LRRC1: variants seen among roughly 807,000 people sequenced by gnomAD.
LRRC1 encodes leucine rich repeat containing 1, also known as leucine-rich repeat-containing protein 1.
A neutral mutation model predicts 69.9 loss-of-function variants in LRRC1; 28 were observed. That is an observed-to-expected ratio of 0.40 (90% CI 0.30 to 0.55). The LOEUF is 0.55. Ranked by LOEUF, LRRC1 falls within the 20% of genes least tolerant of loss-of-function variation. The pLI is 0.47. For synonymous variants in LRRC1, 236 were observed against 240.2 expected (o/e 0.98, Z 0.16); for missense variants, 498 against 609.0 (o/e 0.82, Z 1.92).
intron 1 of LRRC1, among the ~76,000 whole-genome samples, chr6:53,837,889 C>T (rs559061236): frequency 2.4e-4 from 37 of 152,216 alleles, no homozygotes; most frequent in African/African-American, 8.2e-4. Context: ...CATAACAACC[C>T]GAGGCAATTT....
At chr6:53,906,829 T>A (rs1768256156) in intron 10 of LRRC1, among the ~76,000 whole-genome samples, 1 of 152,280 alleles carries the variant, frequency 6.6e-6, no homozygotes, top group Admixed American at 6.5e-5. Context: ...TCCTTTCAGC[T>A]GTCTGATAAA....
Position 53,798,348 on chromosome 6 carries a change from CTGTG to C in LRRC1, c.159+2937_159+2940del, listed in dbSNP as rs774654777. 5.6e-4 allele frequency among the ~76,000 whole-genome samples: 85 copies of C among 152,306 alleles called. 1 individual carries two copies. Among genetic ancestry groups the C allele is most frequent in the Non-Finnish European group, 9.0e-4 (61 of 68,018 alleles). The stretch of plus-strand genomic sequence containing the variant: ...TCTCACTGTAACCTTCTTGAGATGT[CTGTG>C]TGTTTTTGCTTACCTTTGTTTATTT... On this transcript the variant is annotated intron_variant, in intron 1 of 13. Transcript: ENST00000370888.
intron 1 of LRRC1, among the ~76,000 whole-genome samples, chr6:53,814,615 C>A (rs1764898210): frequency 6.6e-6 from 1 of 152,224 alleles, no homozygotes; most frequent in African/African-American, 2.4e-5. Context: ...TTGCATAGTG[C>A]AGCCTGGTCG....
intron 1 of LRRC1, among the ~76,000 whole-genome samples, chr6:53,806,359 A>G (rs1764635552): frequency 6.6e-6 from 1 of 152,154 alleles, no homozygotes; most frequent in African/African-American, 2.4e-5. Context: ...AATGGCTTTG[A>G]ACCAGACCTG....
chr6:53,849,286 T>C (rs4389767), intron 2 of LRRC1, among the ~76,000 whole-genome samples: 21,353 of 152,220 alleles, frequency 0.14, 1,608 homozygotes, highest in Non-Finnish European at 0.17. Context: ...ATCTTGACTT[T>C]TCTAAAACAA....
chr6:53,846,452 G>A (rs1480493341), intron 2 of LRRC1, among the ~76,000 whole-genome samples: 4 of 152,214 alleles, frequency 2.6e-5, no homozygotes, highest in East Asian at 3.9e-4. Flanking sequence ...CTGTCAGCAC[G>A]CGGTCGACTT....
At chr6:53,814,875 A>G (rs1162046559) in intron 1 of LRRC1, among the ~76,000 whole-genome samples, 1 of 152,076 alleles carries the variant, frequency 6.6e-6, no homozygotes, top group Non-Finnish European at 1.5e-5. Flanking sequence ...GGGCTTCCCT[A>G]AGTGATGATT....
intron 2 of LRRC1, among the ~76,000 whole-genome samples, chr6:53,854,318 G>T (rs909013626): frequency 2.6e-5 from 4 of 152,170 alleles, no homozygotes; most frequent in Non-Finnish European, 5.9e-5. Flanking sequence ...TCCAAGAAGG[G>T]TAGAGAAATC....
At chr6:53,819,856 A>G (rs539423530) in intron 1 of LRRC1, among the ~76,000 whole-genome samples, 1 of 152,290 alleles carries the variant, frequency 6.6e-6, no homozygotes, top group Admixed American at 6.5e-5. Flanking sequence ...CCTGGGCTTA[A>G]TACTTCTATG....
At chr6:53,872,510 T>C (rs78911176) in intron 2 of LRRC1, among the ~76,000 whole-genome samples, 1,710 of 152,270 alleles carry the variant, frequency 0.011, 23 homozygotes, top group East Asian at 0.041. Flanking sequence ...ACATTTTCAC[T>C]AACAGTGTAT....
intron 2 of LRRC1, among the ~76,000 whole-genome samples, chr6:53,845,077 G>A (rs754341594): frequency 2.6e-5 from 4 of 152,146 alleles, no homozygotes; most frequent in East Asian, 1.9e-4. Context: ...GGTGGCACGT[G>A]CCTGTAATCC....
intron 2 of LRRC1, among the ~76,000 whole-genome samples, chr6:53,860,535 T>C (rs113588462): frequency 1.6e-5 from 2 of 126,524 alleles, no homozygotes; most frequent in Admixed American, 8.2e-5. Flanking sequence ...GGTTTAATCT[T>C]TTTTAAAGGG....
intron 1 of LRRC1, among the ~76,000 whole-genome samples, chr6:53,802,407 T>G (rs1764512760): frequency 6.6e-6 from 1 of 152,210 alleles, no homozygotes; most frequent in Non-Finnish European, 1.5e-5. Context: ...CTTTCTACTA[T>G]GCCGCCTTGT....
chr6:53,844,873 T>TG (rs1765891261), intron 2 of LRRC1, among the ~76,000 whole-genome samples: 2 of 152,098 alleles, frequency 1.3e-5, no homozygotes, highest in South Asian at 4.1e-4. Context: ...GAAGACAGCA[T>TG]GGAAGGTTCA....
chr6:53,797,153 AAT>A (rs1251659034), intron 1 of LRRC1, among the ~76,000 whole-genome samples: 1 of 151,840 alleles, frequency 6.6e-6, no homozygotes, highest in Non-Finnish European at 1.5e-5. Flanking sequence ...TGGCATGGGA[AAT>A]TACATAATTT....
chr6:53,853,763 T>C (rs1409280560), intron 2 of LRRC1, among the ~76,000 whole-genome samples: 1 of 152,218 alleles, frequency 6.6e-6, no homozygotes, highest in Non-Finnish European at 1.5e-5. Flanking sequence ...GTATTGGTTT[T>C]ACCTTTGAAG....
intron 4 of LRRC1, among the ~76,000 whole-genome samples, chr6:53,895,313 A>G (rs576492402): frequency 6.6e-6 from 1 of 152,350 alleles, no homozygotes; most frequent in East Asian, 1.9e-4. Flanking sequence ...GAGATGCAGG[A>G]TTTTTACATT....
intron 11 of LRRC1, chr6:53,919,201 T>TAAA (rs954634160): frequency 1.6e-5 from 3 of 184,648 alleles, no homozygotes; most frequent in African/African-American, 4.9e-5. Flanking sequence ...TACAAGACCA[T>TAAA]AAAAATGTGT....
At chr6:53,916,875 T>C (rs546332646) in intron 11 of LRRC1, among the ~76,000 whole-genome samples, 2 of 152,180 alleles carry the variant, frequency 1.3e-5, no homozygotes, top group Admixed American at 6.5e-5. Flanking sequence ...GGGTTGGTCA[T>C]GGACATAACT....
Sources: gnomAD v4.1 joint callset for allele counts (sites outside exome capture counted in the v4.1 genomes callset) on GRCh38, gnomAD v4.1.1 for gene constraint, MANE v1.5 for transcripts, NCBI Gene and HGNC (gene_info 2026-07-23, HGNC 2026-07-21) for gene names.